The following PTCH2 variants were observed in gnomAD, a reference collection of about 807,000 sequenced individuals.
PTCH2 encodes patched 2.
A neutral mutation model predicts 117.9 loss-of-function variants in PTCH2; 96 were observed. That is an observed-to-expected ratio of 0.81 (90% CI 0.69 to 0.96). The LOEUF is 0.96. PTCH2 is among the 50% of genes least tolerant of loss of function. The pLI is 0.00. For missense variants in PTCH2, 1,379 were observed against 1,562.5 expected, an observed-to-expected ratio of 0.88 and a Z score of 1.98; for synonymous variants, 615 against 660.9, an observed-to-expected ratio of 0.93 and a Z score of 1.06.
At chr1:44,840,269 A>G (rs1653887884) in intron 2 of PTCH2, among the ~76,000 whole-genome samples, 1 of 151,398 alleles carries the variant, frequency 6.6e-6, no homozygotes, top group South Asian at 2.1e-4. Context: ...CGCCTGGCTA[A>G]TTTTTGTATT....
chr1:44,829,364 A>G, intron 9 of PTCH2, 38 bp downstream of exon 9: 1 of 1,613,946 alleles, frequency 6.2e-7, no homozygotes, highest in Non-Finnish European at 8.5e-7. Flanking sequence ...CACTGGTTGG[A>G]GGTGGGGTGG....
intron 21 of PTCH2, 104 bp downstream of exon 21, chr1:44,822,965 G>A: frequency 7.7e-7 from 1 of 1,297,672 alleles, no homozygotes; most frequent in Non-Finnish European, 1.1e-6. Context: ...CACCTGTTGG[G>A]GAGGTACCTG....
In PTCH2 at chr1:44,822,524, G is replaced by C. The variant is rs760541175; in HGVS notation, c.3503C>G (p.Pro1168Arg). The change falls in exon 22 of 22, where the codon CCC becomes CGC. Residue 1168 changes from proline (P) to arginine (R), a missense_variant. By Grantham distance (103) the Pro-to-Arg change is moderately radical (BLOSUM62 -2). Coordinates refer to ENST00000372192, the MANE Select transcript of PTCH2 (RefSeq NM_003738.5). ...TSMTVAIHPP[P>R]LPGAYIHPAP... ...TGGATGGATGTAGGCACCAGGCAGG[G>C]GGGGTGGGTGGATGGCCACGGTCAT... is the stretch of plus-strand genomic sequence containing the variant. 1 of 1,614,088 alleles carries C rather than the reference G, an allele frequency of 6.2e-7. No homozygotes were observed. The highest frequency in any genetic ancestry group is 8.5e-7 in the Non-Finnish European group (1 of 1,179,966).
chr1:44,825,863 G>C (rs79814020), intron 19 of PTCH2, among the ~76,000 whole-genome samples: 1 of 53,328 alleles, frequency 1.9e-5, no homozygotes, highest in African/African-American at 1.0e-4. Flanking sequence ...TTTTTTTTTT[G>C]AGACGGAGAG....
chr1:44,828,021 G>C lies in PTCH2; in HGVS notation c.1880C>G (p.Pro627Arg), dbSNP rs554684439. ...LPPQAHLVPP[P>R]SDPLGSELFS... ...GAGCTCAGAGCCCAGTGGGTCAGAA[G>C]GTGGGGGCACCAGGTGGGCTTGGGG... The change falls in exon 14 of 22, where the codon CCT (proline) becomes CGT (arginine). Residue 627 changes from proline (P) to arginine (R), a missense_variant. By Grantham distance (103) the Pro-to-Arg change is moderately radical (BLOSUM62 -2). Coordinates refer to ENST00000372192, the MANE Select transcript of PTCH2 (RefSeq NM_003738.5). The C allele has an allele frequency of 2.3e-5, 37 of 1,614,244 alleles. No homozygotes were observed. In the African/African-American group the frequency reaches 4.5e-4, roughly 20 times the overall value.
intron 2 of PTCH2, among the ~76,000 whole-genome samples, chr1:44,833,895 C>T (rs777739000): frequency 2.5e-4 from 38 of 152,106 alleles, no homozygotes; most frequent in African/African-American, 3.9e-4. Flanking sequence ...ACCCCAGCCT[C>T]CTAAAGTGCT....
chr1:44,822,228 G>A lies in PTCH2; in HGVS notation c.*187C>T. Reference sequence around the variant, plus strand: ...AGTGACACAGATACAGGCTCACACAGGCCTGGATGTGCAAATCGGTGGCTG... The same window carrying A: ...AGTGACACAGATACAGGCTCACACAAGCCTGGATGTGCAAATCGGTGGCTG... On this transcript the variant is annotated 3_prime_UTR_variant, in exon 22 of 22. Transcript: ENST00000372192. 2.0e-6 allele frequency: 3 copies of A among 1,492,042 alleles called. No homozygotes were observed. Among genetic ancestry groups the A allele is most frequent in the Non-Finnish European group, 2.7e-6 (3 of 1,126,206 alleles). The allele number at this position is 1,492,042 out of a possible 1,614,324, so 92.4% of individuals were successfully genotyped here.
At chr1:44,825,659 T>G (rs1449201444) in intron 19 of PTCH2, among the ~76,000 whole-genome samples, 1 of 152,070 alleles carries the variant, frequency 6.6e-6, no homozygotes, top group East Asian at 1.9e-4. Flanking sequence ...CCTGAGTAGC[T>G]GGGATTACAG....
downstream of PTCH2, chr1:44,820,088 A>G (rs544869419): frequency 3.3e-5 from 10 of 300,548 alleles, no homozygotes; most frequent in South Asian, 1.1e-4. Flanking sequence ...CACTCCCTAT[A>G]TGTAGTTTAT....
At position 44,829,222 on chromosome 1, in the gene PTCH2, C is replaced by T. The variant is rs1653311588; in HGVS notation, c.1306G>A (p.Ala436Thr). Reference sequence around the variant, plus strand: ...CAGAGCCCAAGGCCTGAGGCCACCGCCAGGGCCACCAGCAGTACCCCGGCA... The same window carrying T: ...CAGAGCCCAAGGCCTGAGGCCACCGTCAGGGCCACCAGCAGTACCCCGGCA... ...GLAGVLLVAL[A>T]VASGLGLCAL... The change falls in exon 10 of 22, where the codon GCG (alanine) becomes ACG (threonine). Residue 436 changes from alanine (A) to threonine (T), a missense_variant. Ala to Thr is a moderately conservative substitution (Grantham distance 58). Coordinates refer to ENST00000372192, the MANE Select transcript of PTCH2 (RefSeq NM_003738.5). 1 of 1,613,412 alleles carries T rather than the reference C, an allele frequency of 6.2e-7. No individual in the cohort carries two copies. Among genetic ancestry groups the T allele is most frequent in the African/African-American group, 1.3e-5 (1 of 74,910 alleles).
downstream of PTCH2, chr1:44,821,721 A>G: frequency 8.2e-7 from 1 of 1,213,300 alleles, no homozygotes; most frequent in South Asian, 1.5e-5. Flanking sequence ...GTAGGATTTC[A>G]CACCAACAAA....
At chr1:44,838,690 G>A (rs969792219) in intron 2 of PTCH2, among the ~76,000 whole-genome samples, 1 of 151,898 alleles carries the variant, frequency 6.6e-6, no homozygotes, top group Non-Finnish European at 1.5e-5. Context: ...GATAGCCAAT[G>A]TTCGGTTTCT....
intron 2 of PTCH2, among the ~76,000 whole-genome samples, chr1:44,838,037 G>A (rs923965836): frequency 1.4e-5 from 2 of 147,618 alleles, no homozygotes; most frequent in South Asian, 4.3e-4. Flanking sequence ...AGCTAAGATC[G>A]CACCTCTGCA....
At chr1:44,825,329 G>A (rs1274133804) in intron 19 of PTCH2, among the ~76,000 whole-genome samples, 1 of 151,398 alleles carries the variant, frequency 6.6e-6, no homozygotes, top group African/African-American at 2.4e-5. Flanking sequence ...GTAGAGATGG[G>A]GTTTCACCAT....
chr1:44,843,027 T>C lies in PTCH2; in HGVS notation c.-95A>G. The C allele has an allele frequency of 2.1e-6, 3 of 1,437,006 alleles. No homozygotes were observed. The South Asian group carries it at 4.4e-5, about 21-fold the overall frequency. 89.0% of individuals were successfully genotyped at this position (1,437,006 alleles called of 1,614,324 possible). On this transcript the variant is annotated 5_prime_UTR_variant, in exon 1 of 22. Coordinates refer to ENST00000372192, the MANE Select transcript of PTCH2 (RefSeq NM_003738.5). The stretch of plus-strand genomic sequence containing the variant: ...TCTCCCGGTACCGCTGGGCCCCGCG[T>C]AGGGATTCAGTGGGGCCGCCAAGGC...
chr1:44,829,451 G>C lies in PTCH2; in HGVS notation c.1166C>G (p.Ala389Gly), dbSNP rs566147210. 6.2e-7 allele frequency: 1 copy of C among 1,614,096 alleles called. No homozygotes were observed. The highest frequency in any genetic ancestry group is 8.5e-7 in the Non-Finnish European group (1 of 1,180,042). ...SSTTLDDILHAFSEVSAARVV... is the reference protein window; with the variant it reads ...SSTTLDDILHGFSEVSAARVV... Reference sequence around the variant, plus strand: ...ACGGGCAGCACTGACTTCAGAGAACGCATGCAGGATGTCATCCAGGGTGGT... The same window carrying C: ...ACGGGCAGCACTGACTTCAGAGAACCCATGCAGGATGTCATCCAGGGTGGT... Residue 389 changes from alanine (A) to glycine (G), a missense_variant, in exon 9 of 22, where the codon GCG becomes GGG. By Grantham distance (60) the Ala-to-Gly change is moderately conservative. Transcript: ENST00000372192.
chr1:44,819,978 T>TG (rs781327865), downstream of PTCH2: 2 of 155,020 alleles, frequency 1.3e-5, no homozygotes, highest in African/African-American at 2.4e-5. Flanking sequence ...TTTATGCGCT[T>TG]TGAAGAGAAA....
chr1:44,831,706 G>A lies in PTCH2; in HGVS notation c.617C>T (p.Pro206Leu), dbSNP rs1335376477. The A allele has an allele frequency of 7.1e-6, 11 of 1,556,468 alleles. 1 individual carries two copies. In the Admixed American group the frequency reaches 1.2e-4, roughly 16 times the overall value. Residue 206 changes from proline (P) to leucine (L), a missense_variant and splice_region_variant, in exon 5 of 22, where the codon CCC (proline) becomes CTC (leucine). Pro to Leu is a moderately conservative substitution (Grantham distance 98, BLOSUM62 -3). Transcript: ENST00000372192. The surrounding 1 kb of genome is among the most constrained non-coding windows in gnomAD (Gnocchi z 4.3). ...GCAGGGCCCCAGGAGTGGCACTCAC[G>A]GCAGGTAGGCGGAGCCCCCTTGGAG... is the stretch of plus-strand genomic sequence containing the variant. Reference protein sequence around the residue: ...AKLQGGSAYLPGRPDIQWTNL... With the variant: ...AKLQGGSAYLLGRPDIQWTNL...
rs754723096 is a variant in PTCH2, at chr1:44,829,810, G to A, written c.936-49C>T. 34 of 1,613,958 alleles carry A rather than the reference G, an allele frequency of 2.1e-5. No homozygotes were observed. In the South Asian group the frequency reaches 3.4e-4, roughly 16 times the overall value. On this transcript the variant is annotated intron_variant, in intron 7 of 21. Coordinates refer to ENST00000372192, the MANE Select transcript of PTCH2 (RefSeq NM_003738.5). The stretch of plus-strand genomic sequence containing the variant: ...GGGGTCAGAGCTGGCCCAAACACCT[G>A]GTGAGGGATGTGAAGGGCCTTTTGC...
Sources: gnomAD v4.1 joint callset for allele counts (sites outside exome capture counted in the v4.1 genomes callset) on GRCh38, gnomAD v4.1.1 for gene constraint, Gnocchi (gnomAD v3.1) non-coding constraint, MANE v1.5 for transcripts, NCBI Gene and HGNC (gene_info 2026-07-23, HGNC 2026-07-21) for gene names.